Variants in KAT6B observed in about 807,000 individuals in gnomAD.
KAT6B encodes the protein histone acetyltransferase KAT6B.
A neutral mutation model predicts 187.5 loss-of-function variants in KAT6B; 10 were observed. The ratio of observed to expected loss-of-function variants is 0.05; its 90% CI spans 0.03 to 0.09. The LOEUF (loss-of-function observed/expected upper bound fraction) is 0.09, where lower values mean the gene tolerates loss of function less well. Among genes scored for constraint, KAT6B ranks in the 10% least tolerant of loss-of-function variants. The pLI, the probability that KAT6B is intolerant of heterozygous loss-of-function variation, is 1.00. For missense variants in KAT6B, 1,952 were observed against 2,558.9 expected (o/e 0.76, Z 5.12); for synonymous variants, 861 against 926.8 (o/e 0.93, Z 1.29).
At position 74,994,933 on chromosome 10, in the gene KAT6B, A is replaced by T. The variant is rs903494590; in HGVS notation, c.2629+5821A>T. Among the ~76,000 whole-genome samples the T allele has an allele frequency of 2.0e-5, 3 of 152,166 alleles. No individual in the cohort carries two copies. The South Asian group carries it at 6.2e-4, about 31-fold the overall frequency. Reference sequence around the variant, plus strand: ...ATAGCATGCATATTTATATCCATGTATGTGCACATATACATATGGGTGTTA... The same window carrying T: ...ATAGCATGCATATTTATATCCATGTTTGTGCACATATACATATGGGTGTTA... On this transcript the variant is annotated intron_variant, in intron 13 of 17. Transcript: ENST00000287239.
Position 74,977,370 on chromosome 10 carries a change from G to T in KAT6B, c.2048G>T (p.Gly683Val). The change falls in exon 9 of 18, where the codon GGA (glycine) becomes GTA (valine). Residue 683 changes from glycine to valine, a missense_variant. Around this residue, in one of 9 missense-constraint regions of KAT6B, gnomAD observed 417 missense variants for 508.9 expected, o/e 0.82. Coordinates refer to ENST00000287239, the MANE Select transcript of KAT6B (RefSeq NM_012330.4). Reference sequence around the variant, plus strand: ...GAAAGTGCAGATGTAAATGTGATTGGAAACAAGGATGTCGTTACTGAAGAG... The same window carrying T: ...GAAAGTGCAGATGTAAATGTGATTGTAAACAAGGATGTCGTTACTGAAGAG... ...KQESADVNVI[G>V]NKDVVTEEDL... 1 of 1,613,892 alleles carries T rather than the reference G, an allele frequency of 6.2e-7. No homozygotes were observed. Among genetic ancestry groups the T allele is most frequent in the Non-Finnish European group, 8.5e-7 (1 of 1,179,818 alleles).
At chr10:75,024,928 C>T (rs1403945176) in intron 16 of KAT6B, 30 bp from the exon 17 acceptor site, 2 of 1,607,606 alleles carry the variant, frequency 1.2e-6, no homozygotes, top group Non-Finnish European at 1.7e-6. Context: ...CTCATGAGCT[C>T]TTATGTGTTA....
intron 3 of KAT6B, among the ~76,000 whole-genome samples, chr10:74,945,449 A>G (rs567436937): frequency 1.3e-5 from 2 of 152,092 alleles, no homozygotes; most frequent in Non-Finnish European, 2.9e-5. Context: ...TGGATGTATC[A>G]TTTGCCCAAA....
chr10:74,930,779 T>C (rs372640443), intron 3 of KAT6B, among the ~76,000 whole-genome samples: 38 of 152,356 alleles, frequency 2.5e-4, no homozygotes, highest in African/African-American at 8.9e-4. Flanking sequence ...TCCATCTTTT[T>C]TCTCAATAAT....
intron 3 of KAT6B, among the ~76,000 whole-genome samples, chr10:74,950,634 A>G (rs1452689531): frequency 3.3e-5 from 5 of 152,166 alleles, no homozygotes; most frequent in Non-Finnish European, 5.9e-5. Context: ...TTAAGTGGCA[A>G]GAAATAAAGT....
intron 3 of KAT6B, among the ~76,000 whole-genome samples, chr10:74,851,111 ATT>A (rs551058752): frequency 2.1e-5 from 3 of 146,004 alleles, no homozygotes; most frequent in Admixed American, 6.9e-5. Context: ...AATCAAAATG[ATT>A]TTTTTTTTTT....
chr10:75,018,663 T>TG (rs912667364), intron 13 of KAT6B, among the ~76,000 whole-genome samples: 7 of 151,912 alleles, frequency 4.6e-5, no homozygotes, highest in Admixed American at 3.3e-4. Flanking sequence ...ACATAAGGTA[T>TG]GGGGGGGCAC....
intron 3 of KAT6B, among the ~76,000 whole-genome samples, chr10:74,958,778 G>A (rs1372446220): frequency 1.3e-5 from 2 of 152,070 alleles, no homozygotes; most frequent in Non-Finnish European, 1.5e-5. Context: ...GGTGGCTCAC[G>A]CCTGTAATCC....
intron 4 of KAT6B, 87 bp from the exon 5 acceptor site, chr10:74,969,573 C>T: frequency 2.6e-6 from 2 of 770,102 alleles, no homozygotes; most frequent in Non-Finnish European, 2.3e-6. Context: ...CTAGCCTCAT[C>T]AGCTATCTAT....
At chr10:74,953,833 C>G (rs756987204) in intron 3 of KAT6B, among the ~76,000 whole-genome samples, 7 of 152,110 alleles carry the variant, frequency 4.6e-5, no homozygotes, top group Non-Finnish European at 7.4e-5. Flanking sequence ...GTTACTTAGA[C>G]TAAGGCTAAC....
chr10:74,854,219 C>T (rs565821329), intron 3 of KAT6B, among the ~76,000 whole-genome samples: 1 of 152,222 alleles, frequency 6.6e-6, no homozygotes, highest in Non-Finnish European at 1.5e-5. Context: ...GTTAGCAGGG[C>T]CAAGAGGGAA....
intron 2 of KAT6B, among the ~76,000 whole-genome samples, chr10:74,841,992 G>C (rs749841157): frequency 1.3e-5 from 2 of 152,194 alleles, no homozygotes; most frequent in African/African-American, 2.4e-5. Flanking sequence ...TAACTAGAAT[G>C]CTCTACTACT....
At chr10:74,968,192 T>C (rs1003652056) in intron 4 of KAT6B, among the ~76,000 whole-genome samples, 1 of 152,188 alleles carries the variant, frequency 6.6e-6, no homozygotes, top group African/African-American at 2.4e-5. Flanking sequence ...TTGCCGTTCC[T>C]GAGCAGAAAG....
chr10:74,967,188 G>A (rs1469133367), intron 4 of KAT6B, among the ~76,000 whole-genome samples: 1 of 152,074 alleles, frequency 6.6e-6, no homozygotes, highest in East Asian at 1.9e-4. Flanking sequence ...AAATTAGCCA[G>A]GCATAGTGGC....
chr10:74,988,039 A>G (rs1291246066), intron 12 of KAT6B, among the ~76,000 whole-genome samples: 1 of 152,204 alleles, frequency 6.6e-6, no homozygotes, highest in African/African-American at 2.4e-5. Flanking sequence ...TCACAAAGAA[A>G]TCTTCAATTC....
chr10:74,973,827 T>C (rs751182562), intron 7 of KAT6B, among the ~76,000 whole-genome samples: 10 of 152,196 alleles, frequency 6.6e-5, no homozygotes, highest in Non-Finnish European at 1.5e-4. Context: ...GTTTTTGCAT[T>C]CATCCTGTGT....
rs1017762796 is a variant in KAT6B at position 75,032,246 on chromosome 10, A to G, written c.*1200A>G. On this transcript the variant is annotated 3_prime_UTR_variant, in exon 18 of 18. Coordinates refer to ENST00000287239, the MANE Select transcript of KAT6B (RefSeq NM_012330.4). ...TCAAAAAAACAAAAAACAAACAAAA[A>G]AAAGCTGTACATTTTAACATAAAAT... The G allele has an allele frequency of 1.6e-5, 3 of 192,568 alleles. No homozygotes were observed. The South Asian group carries it at 5.8e-4, about 37-fold the overall frequency. The allele number at this position is 192,568 out of a possible 1,614,324, so 11.9% of individuals were successfully genotyped here. A position where few individuals can be genotyped will look rare whatever the true frequency, so the allele number is the denominator to read the frequency against.
chr10:74,941,327 A>G (rs1467974537), intron 3 of KAT6B, among the ~76,000 whole-genome samples: 4 of 152,236 alleles, frequency 2.6e-5, no homozygotes, highest in Non-Finnish European at 5.9e-5. Flanking sequence ...GATGATACCA[A>G]ATAAGATGTC....
At chr10:74,859,030 C>T (rs1842994867) in intron 3 of KAT6B, among the ~76,000 whole-genome samples, 1 of 152,164 alleles carries the variant, frequency 6.6e-6, no homozygotes, top group Admixed American at 6.5e-5. Context: ...AGCCAGTGTG[C>T]CCTGCCTTTG....
Sources: gnomAD v4.1 joint callset for allele counts (sites outside exome capture counted in the v4.1 genomes callset) on GRCh38, gnomAD v4.1.1 for gene constraint, gnomAD v4.1.1 regional missense constraint, MANE v1.5 for transcripts, NCBI Gene and HGNC (gene_info 2026-07-23, HGNC 2026-07-21) for gene names.